LCORL: variants seen among roughly 807,000 people sequenced by gnomAD.
The protein encoded by LCORL is ligand-dependent nuclear receptor corepressor-like protein.
In LCORL, 41 loss-of-function variants were observed where a neutral mutation model predicts 141.8. The observed-to-expected ratio is 0.29, with a 90% CI of 0.23 to 0.38. The LOEUF is 0.38. LCORL is among the 10% of genes least tolerant of loss of function. The probability of loss-of-function intolerance (pLI) is 1.00; values close to 1 mark genes in which losing one functional copy is unlikely to be tolerated. For missense variants in LCORL, 1,759 were observed against 2,035.0 expected, an observed-to-expected ratio of 0.86 and a Z score of 2.61; for synonymous variants, 618 against 694.1, an observed-to-expected ratio of 0.89 and a Z score of 1.72.
At chr4:17,985,298 A>G (rs1308209854) in intron 1 of LCORL, among the ~76,000 whole-genome samples, 1 of 152,032 alleles carries the variant, frequency 6.6e-6, no homozygotes, top group Non-Finnish European at 1.5e-5. Context: ...ATTGGGTCCA[A>G]TGTTGAATTC....
chr4:17,875,128 C>T lies in LCORL; in HGVS notation c.3862G>A (p.Gly1288Arg), dbSNP rs1413419268. 4 of 1,233,068 alleles carry T rather than the reference C, an allele frequency of 3.2e-6. No homozygotes were observed. In the African/African-American group the frequency reaches 6.2e-5, roughly 19 times the overall value. 76.4% of individuals were successfully genotyped at this position (1,233,068 alleles called of 1,614,324 possible). ...TACTTTTCTTCAGGCAGATTTTTTCCTGACGTATTATCCTGTTCTAAAGGA... is the reference window on the plus strand; with the variant it reads ...TACTTTTCTTCAGGCAGATTTTTTCTTGACGTATTATCCTGTTCTAAAGGA... Residue 1288 changes from glycine to arginine, a missense_variant, in exon 7 of 8, where the codon GGA becomes AGA. By Grantham distance (125) the Gly-to-Arg change is moderately radical (BLOSUM62 -2). Transcript: ENST00000635767.
intron 4 of LCORL, among the ~76,000 whole-genome samples, chr4:17,944,892 C>T (rs1481891441): frequency 6.6e-6 from 1 of 152,076 alleles, no homozygotes. Context: ...GGAAAGTCTA[C>T]AGATAAACTT....
chr4:18,006,154 T>G (rs1366525863), intron 1 of LCORL, among the ~76,000 whole-genome samples: 3 of 152,286 alleles, frequency 2.0e-5, no homozygotes, highest in Non-Finnish European at 4.4e-5. Context: ...CTCTGTCAAG[T>G]TCAAAGTTCC....
chr4:17,875,127 C>T (rs1726779140), exon 7 of LCORL: 2 of 1,233,056 alleles, frequency 1.6e-6, no homozygotes, highest in African/African-American at 1.6e-5. Context: ...CAGATTTTTT[C>T]CTGACGTATT....
intron 6 of LCORL, among the ~76,000 whole-genome samples, chr4:17,885,820 A>G (rs1044357406): frequency 2.0e-5 from 3 of 151,870 alleles, no homozygotes; most frequent in Non-Finnish European, 2.9e-5. Context: ...TTTGTATTCT[A>G]TAAGTTGGTA....
chr4:17,972,181 G>GA (rs1409017288), intron 2 of LCORL, among the ~76,000 whole-genome samples: 4 of 151,694 alleles, frequency 2.6e-5, no homozygotes, highest in Non-Finnish European at 4.4e-5. Flanking sequence ...AGTAAAACTA[G>GA]AAAAAATTAA....
intron 2 of LCORL, among the ~76,000 whole-genome samples, chr4:17,969,379 T>A (rs1560420084): frequency 6.6e-6 from 1 of 152,164 alleles, no homozygotes; most frequent in Non-Finnish European, 1.5e-5. Context: ...TCAAAACCAC[T>A]CAATCTGGAG....
rs146375664 is a variant in LCORL at position 17,909,179 on chromosome 4, A to T, written c.597T>A (p.Asn199Lys). Residue 199 changes from asparagine to lysine, a missense_variant, in exon 5 of 8, where the codon AAT becomes AAA. Physicochemically the swap from Asn to Lys is moderately conservative, Grantham distance 94. Around this residue, in one of 5 missense-constraint regions of LCORL, gnomAD observed 1,311 missense variants for 1,531.3 expected, o/e 0.86. Coordinates refer to ENST00000635767, the Ensembl canonical transcript of LCORL. Reference sequence around the variant, plus strand: ...CTTCCTGAAGGGAGTTTTCTGCTTGATTCATTTGGATACTTTTACATACTA... The same window carrying T: ...CTTCCTGAAGGGAGTTTTCTGCTTGTTTCATTTGGATACTTTTACATACTA... 1,943 of 1,613,226 alleles carry T rather than the reference A, an allele frequency of 1.2e-3. 26 individuals are homozygous for T. The African/African-American group carries it at 0.023, about 20-fold the overall frequency.
intron 4 of LCORL, among the ~76,000 whole-genome samples, chr4:17,919,796 A>C (rs1361804506): frequency 2.0e-5 from 3 of 152,188 alleles, no homozygotes; most frequent in Admixed American, 2.0e-4. Context: ...ACCTGCCCTG[A>C]AGTAGGACTC....
chr4:17,881,871 C>G, intron 6 of LCORL: 3 of 983,102 alleles, frequency 3.1e-6, no homozygotes, highest in African/African-American at 3.5e-5. Context: ...GGGAAATATA[C>G]TAAATAATGC....
At chr4:17,897,286 T>C (rs550655927) in intron 5 of LCORL, among the ~76,000 whole-genome samples, 2 of 140,488 alleles carry the variant, frequency 1.4e-5, no homozygotes, top group South Asian at 2.5e-4. Flanking sequence ...TGCTGGATCA[T>C]ATAGTGGCTC....
At chr4:17,965,884 C>T (rs2109625816) in intron 2 of LCORL, among the ~76,000 whole-genome samples, 1 of 152,096 alleles carries the variant, frequency 6.6e-6, no homozygotes. Context: ...TGTTTTAATG[C>T]TTTTTGGTCC....
intron 1 of LCORL, among the ~76,000 whole-genome samples, chr4:17,994,344 A>AC: frequency 6.6e-6 from 1 of 151,918 alleles, no homozygotes; most frequent in Non-Finnish European, 1.5e-5. Context: ...CTACTCCCTG[A>AC]CCCCCGCACC....
chr4:17,879,572 C>T (rs78912445), intron 6 of LCORL, among the ~76,000 whole-genome samples: 15,223 of 150,930 alleles, frequency 0.1, 1,786 homozygotes, highest in African/African-American at 0.29. Flanking sequence ...TTTTTATAAA[C>T]TTTGTCATGG....
intron 7 of LCORL, among the ~76,000 whole-genome samples, chr4:17,872,820 T>C (rs1240955990): frequency 6.6e-6 from 1 of 152,190 alleles, no homozygotes; most frequent in Admixed American, 6.5e-5. Flanking sequence ...ATTGTTGCTC[T>C]ACCACTCTTC....
At chr4:17,963,775 T>C (rs945609030) in intron 2 of LCORL, among the ~76,000 whole-genome samples, 1 of 151,982 alleles carries the variant, frequency 6.6e-6, no homozygotes, top group Non-Finnish European at 1.5e-5. Flanking sequence ...ATATCTGGCA[T>C]AGACATGATT....
intron 4 of LCORL, among the ~76,000 whole-genome samples, chr4:17,947,912 T>TA (rs1739138615): frequency 6.6e-6 from 1 of 151,768 alleles, no homozygotes. Context: ...TGCCTGGAGG[T>TA]AATGAAAAGA....
chr4:18,008,352 A>G (rs1303655541), intron 1 of LCORL, among the ~76,000 whole-genome samples: 1 of 152,194 alleles, frequency 6.6e-6, no homozygotes, highest in Non-Finnish European at 1.5e-5. Flanking sequence ...CTCTCACTCC[A>G]GGACAGGAAT....
chr4:17,850,180 A>G (rs1723464684), intron 7 of LCORL, among the ~76,000 whole-genome samples: 2 of 143,214 alleles, frequency 1.4e-5, no homozygotes, highest in African/African-American at 2.6e-5. Context: ...TAAAAACCCT[A>G]GAAGAAAACC....
Sources: gnomAD v4.1 joint callset for allele counts (sites outside exome capture counted in the v4.1 genomes callset) on GRCh38, gnomAD v4.1.1 for gene constraint, gnomAD v4.1.1 regional missense constraint, MANE v1.5 for transcripts, NCBI Gene and HGNC (gene_info 2026-07-23, HGNC 2026-07-21) for gene names.